The following ARHGAP31 variants were observed in gnomAD, a reference collection of about 807,000 sequenced individuals.
ARHGAP31 encodes the protein Rho GTPase activating protein 31.
In ARHGAP31, 34 loss-of-function variants were observed where a neutral mutation model predicts 113.9. The observed-to-expected ratio is 0.30, with a 90% CI of 0.23 to 0.40. The LOEUF is 0.40. ARHGAP31 is among the 10% of genes least tolerant of loss of function. The pLI, the probability that ARHGAP31 is intolerant of heterozygous loss-of-function variation, is 1.00. For missense variants in ARHGAP31, 1,548 were observed against 1,767.1 expected (o/e 0.88, Z 2.22); for synonymous variants, 650 against 684.8 (o/e 0.95, Z 0.79).
At chr3:119,387,234 A>G (rs1212097098) in intron 6 of ARHGAP31, among the ~76,000 whole-genome samples, 2 of 152,212 alleles carry the variant, frequency 1.3e-5, no homozygotes, top group Non-Finnish European at 2.9e-5. Context: ...TAGACCAAGG[A>G]GCCCTTCTGC....
At chr3:119,359,546 T>C (rs1451499229) in intron 1 of ARHGAP31, among the ~76,000 whole-genome samples, 1 of 149,460 alleles carries the variant, frequency 6.7e-6, no homozygotes, top group Non-Finnish European at 1.5e-5. Flanking sequence ...AAGAAAAGAG[T>C]AGAAAGAAGT....
intron 3 of ARHGAP31, among the ~76,000 whole-genome samples, chr3:119,373,617 C>T (rs1442537525): frequency 2.0e-5 from 3 of 152,286 alleles, no homozygotes; most frequent in African/African-American, 2.4e-5. Context: ...GCACCCGCCA[C>T]CATGCCCAGC....
chr3:119,375,327 A>G (rs1489412664), intron 3 of ARHGAP31, among the ~76,000 whole-genome samples: 5 of 152,112 alleles, frequency 3.3e-5, no homozygotes, highest in Non-Finnish European at 4.4e-5. Context: ...CCAGCTTCTG[A>G]TGGCTGCTGA....
Position 119,315,917 on chromosome 3 carries a change from A to G in ARHGAP31, c.100+20913A>G, listed in dbSNP as rs1056959070. Among the ~76,000 whole-genome samples, 43 of 152,268 alleles carry G rather than the reference A, an allele frequency of 2.8e-4. 1 individual carries two copies. The highest frequency in any genetic ancestry group is 2.7e-3 in the Admixed American group (42 of 15,296). Reference sequence around the variant, plus strand: ...ATCCTTAGACAGCACATTACAGAGTACTCTTACAAATCGTCTCATTGTTCT... The same window carrying G: ...ATCCTTAGACAGCACATTACAGAGTGCTCTTACAAATCGTCTCATTGTTCT... On this transcript the variant is annotated intron_variant, in intron 1 of 11. Coordinates refer to ENST00000264245, the MANE Select transcript of ARHGAP31 (RefSeq NM_020754.4).
intron 6 of ARHGAP31, among the ~76,000 whole-genome samples, chr3:119,387,273 C>T (rs926880627): frequency 1.3e-5 from 2 of 152,226 alleles, no homozygotes; most frequent in African/African-American, 2.4e-5. Flanking sequence ...ACAGAAGGCT[C>T]GCACTCTTGT....
intron 1 of ARHGAP31, among the ~76,000 whole-genome samples, chr3:119,339,203 C>T (rs1165027129): frequency 6.6e-6 from 1 of 152,170 alleles, no homozygotes; most frequent in Non-Finnish European, 1.5e-5. Flanking sequence ...AACAGAAGAC[C>T]ACAATGAAAG....
chr3:119,346,576 A>G (rs1004543157), intron 1 of ARHGAP31, among the ~76,000 whole-genome samples: 1 of 152,196 alleles, frequency 6.6e-6, no homozygotes, highest in African/African-American at 2.4e-5. Context: ...ACTTCTTTGA[A>G]TCCCAAAAGT....
At chr3:119,392,860 C>T (rs1306748790) in intron 7 of ARHGAP31, among the ~76,000 whole-genome samples, 1 of 152,230 alleles carries the variant, frequency 6.6e-6, no homozygotes, top group Non-Finnish European at 1.5e-5. Context: ...CCAGCCCTCT[C>T]TTTGCCTGTG....
chr3:119,315,785 A>AC, intron 1 of ARHGAP31, among the ~76,000 whole-genome samples: 1 of 152,372 alleles, frequency 6.6e-6, no homozygotes, highest in South Asian at 2.1e-4. Flanking sequence ...GGCTTGCACA[A>AC]TACAGAGAAT....
intron 1 of ARHGAP31, among the ~76,000 whole-genome samples, chr3:119,309,360 G>A (rs2107596606): frequency 6.6e-6 from 1 of 152,332 alleles, no homozygotes; most frequent in South Asian, 2.1e-4. Context: ...AGCCACAGAA[G>A]TGCTGGAATC....
chr3:119,330,348 C>T (rs564158710), intron 1 of ARHGAP31, among the ~76,000 whole-genome samples: 1 of 152,316 alleles, frequency 6.6e-6, no homozygotes, highest in African/African-American at 2.4e-5. Flanking sequence ...ATAGGAAAAA[C>T]CAGCCATCTT....
chr3:119,361,624 C>T (rs1373338682), intron 1 of ARHGAP31, among the ~76,000 whole-genome samples: 2 of 152,196 alleles, frequency 1.3e-5, no homozygotes, highest in Non-Finnish European at 1.5e-5. Flanking sequence ...TCAAGTGATC[C>T]ACCCACCTTG....
chr3:119,312,702 A>G (rs571466230), intron 1 of ARHGAP31, among the ~76,000 whole-genome samples: 4 of 152,346 alleles, frequency 2.6e-5, no homozygotes, highest in African/African-American at 9.6e-5. Flanking sequence ...GTCAGTTATC[A>G]GTCTAGACAG....
rs2080590987 is a variant in ARHGAP31, at chr3:119,400,397, C to G, written c.1069+1136C>G. On this transcript the variant is annotated intron_variant, in intron 9 of 11. Coordinates refer to ENST00000264245, the MANE Select transcript of ARHGAP31 (RefSeq NM_020754.4). ...GCTGAGGCACGAGAATCGTTTGAAC[C>G]CAGGAGGCAGAGATTGCAGTGAGCT... Among the ~76,000 whole-genome samples, 3 of 152,192 alleles carry G rather than the reference C, an allele frequency of 2.0e-5. No individual in the cohort carries two copies. In the South Asian group the frequency reaches 6.2e-4, roughly 32 times the overall value.
chr3:119,358,956 G>A (rs1451854960), intron 1 of ARHGAP31, among the ~76,000 whole-genome samples: 10 of 151,972 alleles, frequency 6.6e-5, no homozygotes, highest in South Asian at 2.1e-4. Flanking sequence ...TCACTTAGTC[G>A]TACACTTTAA....
At chr3:119,403,046 G>C (rs1361940809) in intron 10 of ARHGAP31, among the ~76,000 whole-genome samples, 1 of 152,210 alleles carries the variant, frequency 6.6e-6, no homozygotes, top group Non-Finnish European at 1.5e-5. Context: ...TTGAGTCTCT[G>C]GGTGTGTCTG....
chr3:119,297,880 T>G (rs2079546365), intron 1 of ARHGAP31, among the ~76,000 whole-genome samples: 1 of 149,254 alleles, frequency 6.7e-6, no homozygotes, highest in Admixed American at 6.7e-5. Flanking sequence ...TTTGGGAAGC[T>G]GATGAGAAAC....
At chr3:119,303,791 TGTTG>T (rs2079606783) in intron 1 of ARHGAP31, among the ~76,000 whole-genome samples, 1 of 149,518 alleles carries the variant, frequency 6.7e-6, no homozygotes, top group Non-Finnish European at 1.5e-5. Flanking sequence ...TGTTTTTTGT[TGTTG>T]TTGTTGTTGT....
intron 1 of ARHGAP31, among the ~76,000 whole-genome samples, chr3:119,330,762 A>T (rs1225686077): frequency 6.6e-6 from 1 of 152,206 alleles, no homozygotes; most frequent in East Asian, 1.9e-4. Flanking sequence ...TTTATCATTT[A>T]CCCACACCAC....
Sources: allele counts gnomAD v4.1 joint callset (sites outside exome capture counted in the v4.1 genomes callset), GRCh38; gene constraint gnomAD v4.1.1; transcripts MANE v1.5; gene names NCBI Gene and HGNC (gene_info 2026-07-23, HGNC 2026-07-21).